The following DEPTOR variants were observed in gnomAD, a reference collection of about 807,000 sequenced individuals.
The protein encoded by DEPTOR is DEP domain containing MTOR interacting protein.
In DEPTOR, 41 loss-of-function variants were observed where a neutral mutation model predicts 41.6. The observed-to-expected ratio is 0.98, with a 90% CI of 0.77 to 1.28. The LOEUF (loss-of-function observed/expected upper bound fraction) is 1.28, where lower values mean the gene tolerates loss of function less well. Among genes scored for constraint, DEPTOR ranks in the 50% most tolerant of loss-of-function variants. The pLI is 0.00. For missense variants in DEPTOR, 514 were observed against 527.9 expected (o/e 0.97, Z 0.26); for synonymous variants, 195 against 192.3 (o/e 1.01, Z -0.12).
At chr8:119,918,843 C>T (rs893757290) in intron 1 of DEPTOR, among the ~76,000 whole-genome samples, 2 of 152,094 alleles carry the variant, frequency 1.3e-5, no homozygotes, top group Non-Finnish European at 2.9e-5. Context: ...ATCTGCTTGC[C>T]TCAGACCCCC....
At chr8:120,046,681 A>G (rs535448700) in intron 8 of DEPTOR, among the ~76,000 whole-genome samples, 14 of 152,170 alleles carry the variant, frequency 9.2e-5, no homozygotes, top group African/African-American at 2.4e-4. Context: ...GGCTCAAGCA[A>G]TCCTTCTGCC....
At chr8:119,984,181 C>T (rs1326577640) in intron 4 of DEPTOR, among the ~76,000 whole-genome samples, 2 of 152,202 alleles carry the variant, frequency 1.3e-5, no homozygotes, top group Non-Finnish European at 2.9e-5. Context: ...TTGGCCCTGA[C>T]ACCCTGGGCC....
chr8:119,990,368 G>A (rs1431168225), intron 4 of DEPTOR, among the ~76,000 whole-genome samples: 4 of 151,968 alleles, frequency 2.6e-5, no homozygotes. Flanking sequence ...CGTGTTAGTC[G>A]GGATGGTCTC....
chr8:119,983,596 C>T (rs1249073482), intron 4 of DEPTOR, among the ~76,000 whole-genome samples: 1 of 152,156 alleles, frequency 6.6e-6, no homozygotes, highest in Non-Finnish European at 1.5e-5. Flanking sequence ...GTTGGCCAGG[C>T]TGCTCTTGAA....
intron 8 of DEPTOR, among the ~76,000 whole-genome samples, chr8:120,012,056 C>A (rs1032325720): frequency 6.6e-6 from 1 of 152,058 alleles, no homozygotes; most frequent in Non-Finnish European, 1.5e-5. Context: ...AAAACTCTGA[C>A]AAACCTGGCA....
rs1586591704 is a variant in DEPTOR at position 119,873,784 on chromosome 8, G to A, written c.-63G>A. ...CGGGAAGCGTCTGTGAGGGCAGACTGATCCGAGCACCCAAACCCTCGGCGG... is the reference window on the plus strand; with the variant it reads ...CGGGAAGCGTCTGTGAGGGCAGACTAATCCGAGCACCCAAACCCTCGGCGG... On this transcript the variant is annotated 5_prime_UTR_variant, in exon 1 of 9. The change abolishes the stop of an existing upstream ORF in the 5' untranslated region. Transcript: ENST00000286234. The A allele has an allele frequency of 9.4e-6, 15 of 1,599,128 alleles. No individual in the cohort carries two copies. In the East Asian group the frequency reaches 3.2e-4, roughly 34 times the overall value.
chr8:120,015,210 C>G (rs1279828107), intron 8 of DEPTOR, among the ~76,000 whole-genome samples: 2 of 152,164 alleles, frequency 1.3e-5, no homozygotes, highest in South Asian at 4.1e-4. Context: ...CTTCCCTGGC[C>G]TTCTGTCTGT....
At chr8:119,953,622 A>G (rs1828381273) in intron 3 of DEPTOR, among the ~76,000 whole-genome samples, 1 of 150,932 alleles carries the variant, frequency 6.6e-6, no homozygotes, top group African/African-American at 2.4e-5. Flanking sequence ...AAGAAATATG[A>G]TTGGACAAAA....
chr8:119,978,604 A>G (rs1220986236), intron 4 of DEPTOR, among the ~76,000 whole-genome samples: 4 of 152,208 alleles, frequency 2.6e-5, no homozygotes, highest in African/African-American at 9.6e-5. Flanking sequence ...CCTTTTTTCT[A>G]GCCCTGACCC....
At position 120,005,975 on chromosome 8, in the gene DEPTOR, A is replaced by G. The variant is rs1425928433; in HGVS notation, c.926-830A>G. On this transcript the variant is annotated intron_variant, in intron 6 of 8. Coordinates refer to ENST00000286234, the MANE Select transcript of DEPTOR (RefSeq NM_022783.4). Reference sequence around the variant, plus strand: ...CTGAGAGTGTGGGTGCTGGTGTCTAATGCCTGAGTTTGATTCTACTTCTGC... The same window carrying G: ...CTGAGAGTGTGGGTGCTGGTGTCTAGTGCCTGAGTTTGATTCTACTTCTGC... Among the ~76,000 whole-genome samples, 5 of 152,166 alleles carry G rather than the reference A, an allele frequency of 3.3e-5. No homozygotes were observed. The East Asian group carries it at 7.7e-4, about 24-fold the overall frequency.
At chr8:120,048,773 T>C (rs910790832) in intron 8 of DEPTOR, among the ~76,000 whole-genome samples, 3 of 152,144 alleles carry the variant, frequency 2.0e-5, no homozygotes, top group African/African-American at 7.2e-5. Flanking sequence ...AAATGCACTA[T>C]CTAGTGTGAG....
chr8:119,929,569 T>C (rs1031403566), intron 2 of DEPTOR, among the ~76,000 whole-genome samples: 1 of 152,104 alleles, frequency 6.6e-6, no homozygotes, highest in Non-Finnish European at 1.5e-5. Flanking sequence ...AATATGATGA[T>C]GATGATGATG....
chr8:119,884,654 C>T (rs1450654286), intron 1 of DEPTOR, among the ~76,000 whole-genome samples: 2 of 150,754 alleles, frequency 1.3e-5, no homozygotes, highest in Non-Finnish European at 2.9e-5. Context: ...ATGCAAGTTC[C>T]TTATACAGAT....
At chr8:119,973,722 G>A (rs1828661476) in intron 4 of DEPTOR, among the ~76,000 whole-genome samples, 1 of 152,196 alleles carries the variant, frequency 6.6e-6, no homozygotes, top group Non-Finnish European at 1.5e-5. Context: ...ATAATTTCCT[G>A]TTTTAGAACT....
chr8:119,882,400 T>C (rs1012733343), intron 1 of DEPTOR, among the ~76,000 whole-genome samples: 1 of 151,896 alleles, frequency 6.6e-6, no homozygotes. Flanking sequence ...TTATTATTTA[T>C]TTTTATTTTT....
chr8:119,922,147 G>T (rs566777851), intron 1 of DEPTOR, among the ~76,000 whole-genome samples: 2 of 151,484 alleles, frequency 1.3e-5, no homozygotes, highest in African/African-American at 4.8e-5. Flanking sequence ...GCTGAAGCAG[G>T]AGAATTGCTT....
At chr8:119,913,244 T>C (rs781011445) in intron 1 of DEPTOR, among the ~76,000 whole-genome samples, 15 of 152,172 alleles carry the variant, frequency 9.9e-5, no homozygotes, top group Non-Finnish European at 2.1e-4. Context: ...AAAGAGTGTT[T>C]ATTCAAGCTC....
At chr8:119,985,818 C>A (rs574345230) in intron 4 of DEPTOR, among the ~76,000 whole-genome samples, 1 of 138,694 alleles carries the variant, frequency 7.2e-6, no homozygotes, top group Non-Finnish European at 1.5e-5. Context: ...AGGATTGCAA[C>A]CCCTGCTCTT....
intron 3 of DEPTOR, among the ~76,000 whole-genome samples, chr8:119,937,877 G>A (rs1232966783): frequency 1.3e-5 from 2 of 152,142 alleles, no homozygotes; most frequent in African/African-American, 4.8e-5. Context: ...TAAGCTTCAG[G>A]AACCTGAATA....
Sources: gnomAD v4.1 joint callset for allele counts (sites outside exome capture counted in the v4.1 genomes callset) on GRCh38, gnomAD v4.1.1 for gene constraint, MANE v1.5 for transcripts, NCBI Gene and HGNC (gene_info 2026-07-23, HGNC 2026-07-21) for gene names.